The following TTC3 variants were observed in gnomAD, a reference collection of about 807,000 sequenced individuals.
TTC3 encodes tetratricopeptide repeat domain 3, also known as E3 ubiquitin-protein ligase TTC3.
In TTC3, 180 loss-of-function variants were observed where a neutral mutation model predicts 249.6. The ratio of observed to expected loss-of-function variants is 0.72; its 90% CI spans 0.64 to 0.82. TTC3 has a LOEUF of 0.82. TTC3 is among the 40% of genes least tolerant of loss of function. TTC3 has a pLI of 0.00. For missense variants in TTC3, 2,061 were observed against 2,398.4 expected (o/e 0.86, Z 2.94); for synonymous variants, 717 against 805.0 (o/e 0.89, Z 1.85).
chr21:37,104,540 A>G (rs1327914368), intron 10 of TTC3, among the ~76,000 whole-genome samples: 1 of 150,534 alleles, frequency 6.6e-6, no homozygotes, highest in African/African-American at 2.5e-5. Context: ...CAGTGAGCCA[A>G]AGTAGCGCCA....
At chr21:37,185,607 CA>C in intron 36 of TTC3, 98 bp from the exon 37 acceptor site, 1 of 535,286 alleles carries the variant, frequency 1.9e-6, no homozygotes, top group Non-Finnish European at 3.1e-6. Context: ...ATTAAAAAAT[CA>C]AGAAATGTTT....
chr21:37,105,134 A>T (rs1231773936), intron 10 of TTC3, among the ~76,000 whole-genome samples: 1 of 152,184 alleles, frequency 6.6e-6, no homozygotes, highest in Non-Finnish European at 1.5e-5. Context: ...GTTACAGTGG[A>T]ACTTAGATTT....
At chr21:37,191,652 C>T (rs2084125701) in intron 40 of TTC3, among the ~76,000 whole-genome samples, 1 of 152,146 alleles carries the variant, frequency 6.6e-6, no homozygotes, top group South Asian at 2.1e-4. Context: ...GATCTTGGCT[C>T]ACTGCAACCT....
intron 20 of TTC3, among the ~76,000 whole-genome samples, chr21:37,141,883 CATCAAAAAGCTTATCCACCATG>C (rs1477421099): frequency 6.6e-6 from 1 of 152,180 alleles, no homozygotes; most frequent in African/African-American, 2.4e-5. Flanking sequence ...TCCAGCAGCA[CATCAAAAAGCTTATCCACCATG>C]ATCAAGTGGG....
chr21:37,151,772 G>A lies in TTC3; in HGVS notation c.2277-121G>A, dbSNP rs17193089. 248 of 1,124,602 alleles carry A rather than the reference G, an allele frequency of 2.2e-4. 1 individual carries two copies. The East Asian group carries it at 6.7e-3, about 30-fold the overall frequency. The allele number at this position is 1,124,602 out of a possible 1,614,324, so 69.7% of individuals were successfully genotyped here. A position where few individuals can be genotyped will look rare whatever the true frequency, so the allele number is the denominator to read the frequency against. ...TGACAGTTTCTTACATTGAATGGAAGATGTAGGCCGGGCTCTGATTAAAAA... is the reference window on the plus strand; with the variant it reads ...TGACAGTTTCTTACATTGAATGGAAAATGTAGGCCGGGCTCTGATTAAAAA... On this transcript the variant is annotated intron_variant, in intron 25 of 45. Transcript: ENST00000355666.
At chr21:37,123,547 T>G (rs2076796921) in intron 13 of TTC3, among the ~76,000 whole-genome samples, 1 of 152,208 alleles carries the variant, frequency 6.6e-6, no homozygotes, top group Non-Finnish European at 1.5e-5. Flanking sequence ...GGTTCTACCT[T>G]TACTTATTTG....
In TTC3 at chr21:37,174,268, T is replaced by A. The variant is rs76684738; in HGVS notation, c.4617+1524T>A. Reference sequence around the variant, plus strand: ...ACTTGTTAAGGCTTTGAGTCTGCTGTTGCGTGGCCCTACTCAAGAGTGCCT... The same window carrying A: ...ACTTGTTAAGGCTTTGAGTCTGCTGATGCGTGGCCCTACTCAAGAGTGCCT... On this transcript the variant is annotated intron_variant, in intron 35 of 45. Coordinates refer to ENST00000355666, the Ensembl canonical transcript of TTC3. 3.4e-3 allele frequency among the ~76,000 whole-genome samples: 513 copies of A among 152,264 alleles called. 8 individuals carry two copies. The highest frequency in any genetic ancestry group is 0.021 in the East Asian group (111 of 5,178).
At chr21:37,149,052 A>G (rs2079230613) in intron 23 of TTC3, among the ~76,000 whole-genome samples, 1 of 152,198 alleles carries the variant, frequency 6.6e-6, no homozygotes, top group East Asian at 1.9e-4. Context: ...GGTAATTTGT[A>G]CTAAGAAGTC....
exon 14 of TTC3, chr21:37,124,621 C>T (rs770786674): frequency 1.9e-6 from 3 of 1,610,742 alleles, no homozygotes; most frequent in East Asian, 4.5e-5. Context: ...CCACTTAGGG[C>T]CTACACACCT....
chr21:37,074,192 C>G (rs957944159), intron 1 of TTC3, among the ~76,000 whole-genome samples: 1 of 152,248 alleles, frequency 6.6e-6, no homozygotes, highest in Non-Finnish European at 1.5e-5. Flanking sequence ...TCCCCTCGCC[C>G]CCGCGCCTCT....
chr21:37,191,865 A>C (rs1174359165), intron 40 of TTC3, among the ~76,000 whole-genome samples: 4 of 152,252 alleles, frequency 2.6e-5, no homozygotes, highest in Admixed American at 2.6e-4. Flanking sequence ...CTGGGATTGC[A>C]GGTGTGAGCC....
chr21:37,076,945 C>T (rs2070966702), intron 1 of TTC3, among the ~76,000 whole-genome samples: 1 of 151,950 alleles, frequency 6.6e-6, no homozygotes, highest in South Asian at 2.1e-4. Flanking sequence ...AGGTGATCTG[C>T]CCGACTCGGC....
intron 41 of TTC3, chr21:37,194,048 C>T (rs2084551045): frequency 6.6e-6 from 1 of 152,210 alleles, no homozygotes; most frequent in African/African-American, 2.4e-5. Context: ...ACACTCCTTT[C>T]ATACTGTAAT....
chr21:37,100,214 A>T (rs939004483), intron 10 of TTC3, among the ~76,000 whole-genome samples: 2 of 152,210 alleles, frequency 1.3e-5, no homozygotes, highest in Non-Finnish European at 2.9e-5. Flanking sequence ...ATATGGCAAC[A>T]TGTTAATTTC....
At chr21:37,202,344 G>C (rs570137245) in exon 46 of TTC3, 1 of 152,322 alleles carries the variant, frequency 6.6e-6, no homozygotes, top group East Asian at 1.9e-4. Context: ...CCAGCCCCCG[G>C]TTGGAGCCTG....
chr21:37,149,500 C>A (rs2079265958), intron 23 of TTC3, among the ~76,000 whole-genome samples: 1 of 152,098 alleles, frequency 6.6e-6, no homozygotes, highest in Non-Finnish European at 1.5e-5. Context: ...TAGTGATATA[C>A]CCTCTTTTAG....
chr21:37,115,203 A>T (rs1010176128), intron 11 of TTC3, among the ~76,000 whole-genome samples: 5 of 69,790 alleles, frequency 7.2e-5, no homozygotes, highest in Non-Finnish European at 1.2e-4. Context: ...ATAATAATAA[A>T]GAAACTATTT....
chr21:37,145,073 A>G, intron 21 of TTC3, among the ~76,000 whole-genome samples: 1 of 152,214 alleles, frequency 6.6e-6, no homozygotes. Flanking sequence ...TTGTTTCATC[A>G]TAAAGTTACC....
rs530532337 is a variant in TTC3, at chr21:37,186,745, C to T, written c.4827-304C>T. 5.3e-5 allele frequency among the ~76,000 whole-genome samples: 8 copies of T among 152,304 alleles called. No individual in the cohort carries two copies. In the South Asian group the frequency reaches 1.7e-3, roughly 32 times the overall value. On this transcript the variant is annotated intron_variant, in intron 37 of 45. Transcript: ENST00000355666. ...CCCGGCCTATACAGTTTATTAATGTCACCAGATTGTACTCCACCTGCCCTC... is the reference window on the plus strand; with the variant it reads ...CCCGGCCTATACAGTTTATTAATGTTACCAGATTGTACTCCACCTGCCCTC...
Sources: allele counts gnomAD v4.1 joint callset (sites outside exome capture counted in the v4.1 genomes callset), GRCh38; gene constraint gnomAD v4.1.1; transcripts MANE v1.5; gene names NCBI Gene and HGNC (gene_info 2026-07-23, HGNC 2026-07-21).